The following DLGAP2 variants were observed in gnomAD, a reference collection of about 807,000 sequenced individuals.
DLGAP2 encodes the protein DLG associated protein 2.
DLGAP2 carries 26 observed loss-of-function variants against 100.3 expected under a neutral mutation model. The ratio of observed to expected loss-of-function variants is 0.26; its 90% CI spans 0.19 to 0.36. The LOEUF (loss-of-function observed/expected upper bound fraction) is 0.36. DLGAP2 is among the 10% of genes least tolerant of loss of function. The pLI is 1.00. For missense variants in DLGAP2, 1,858 were observed against 1,453.2 expected (o/e 1.28, Z -4.53); for synonymous variants, 886 against 630.1 (o/e 1.41, Z -6.08).
chr8:1,039,641 TGC>T (rs1802252625), intron 2 of DLGAP2, among the ~76,000 whole-genome samples: 1 of 88,068 alleles, frequency 1.1e-5, no homozygotes, highest in Non-Finnish European at 2.2e-5. Flanking sequence ...CAGCTCGGTG[TGC>T]GTGGTCAGCT....
At chr8:1,641,515 C>T (rs6995152) in intron 8 of DLGAP2, among the ~76,000 whole-genome samples, 6 of 152,052 alleles carry the variant, frequency 3.9e-5, no homozygotes, top group South Asian at 2.1e-4. Flanking sequence ...AATCATAATA[C>T]GAATGAAACT....
intron 2 of DLGAP2, among the ~76,000 whole-genome samples, chr8:1,065,066 G>A (rs751214537): frequency 6.6e-5 from 10 of 152,202 alleles, no homozygotes; most frequent in Non-Finnish European, 1.3e-4. Flanking sequence ...CAAACAGCGT[G>A]CCCAGGGGAT....
At chr8:741,386 G>A (rs1042319741) in intron 1 of DLGAP2, among the ~76,000 whole-genome samples, 1 of 152,090 alleles carries the variant, frequency 6.6e-6, no homozygotes, top group Admixed American at 6.5e-5. Context: ...CTTTTTTCAT[G>A]TCATTCTTCT....
chr8:1,025,026 C>A (rs1025562672), intron 2 of DLGAP2, among the ~76,000 whole-genome samples: 2 of 151,874 alleles, frequency 1.3e-5, no homozygotes, highest in African/African-American at 4.9e-5. Context: ...TGTCTCTGCT[C>A]CCCCCTCTCC....
intron 3 of DLGAP2, among the ~76,000 whole-genome samples, chr8:1,464,331 C>T (rs868379984): frequency 0.033 from 2,664 of 79,952 alleles, 420 homozygotes; most frequent in East Asian, 0.09. Context: ...CCTTCCAGGA[C>T]GGCACCCTTC....
intron 2 of DLGAP2, among the ~76,000 whole-genome samples, chr8:1,052,649 A>G (rs1332519396): frequency 1.3e-5 from 2 of 152,076 alleles, no homozygotes; most frequent in Admixed American, 1.3e-4. Flanking sequence ...AACCCCATAG[A>G]TGTTGCATTG....
chr8:1,555,475 C>T (rs892077934), intron 5 of DLGAP2, among the ~76,000 whole-genome samples: 2 of 152,164 alleles, frequency 1.3e-5, no homozygotes, highest in Non-Finnish European at 2.9e-5. Flanking sequence ...GCCACCGCTT[C>T]CCCCCGGCCC....
At chr8:815,794 G>A (rs1397281435) in intron 1 of DLGAP2, among the ~76,000 whole-genome samples, 2 of 152,116 alleles carry the variant, frequency 1.3e-5, no homozygotes, top group East Asian at 3.9e-4. Flanking sequence ...AGGACAAGAG[G>A]ATACAAAAGA....
intron 3 of DLGAP2, among the ~76,000 whole-genome samples, chr8:1,310,633 A>G (rs1354094152): frequency 6.6e-6 from 1 of 152,126 alleles, no homozygotes; most frequent in Non-Finnish European, 1.5e-5. Context: ...GACTAAAATC[A>G]TAAAAAGTTG....
chr8:1,313,080 C>T (rs963418094), intron 3 of DLGAP2, among the ~76,000 whole-genome samples: 5 of 152,160 alleles, frequency 3.3e-5, no homozygotes, highest in East Asian at 1.9e-4. Context: ...TGGTGTGTGC[C>T]GGAGCCCCTG....
intron 2 of DLGAP2, among the ~76,000 whole-genome samples, chr8:1,244,175 G>C (rs1031923578): frequency 6.6e-6 from 1 of 152,238 alleles, no homozygotes; most frequent in African/African-American, 2.4e-5. Context: ...CGATGCCTCT[G>C]AGTGCGATAC....
chr8:1,164,114 C>CTGT (rs1796947964), intron 2 of DLGAP2, among the ~76,000 whole-genome samples: 1 of 134,042 alleles, frequency 7.5e-6, no homozygotes, highest in Non-Finnish European at 1.6e-5. Context: ...TTCTGTGAGC[C>CTGT]CGCAGGGCCC....
chr8:1,526,029 A>C (rs2130436823), intron 4 of DLGAP2, among the ~76,000 whole-genome samples: 1 of 151,392 alleles, frequency 6.6e-6, no homozygotes, highest in East Asian at 2.0e-4. Context: ...CTAATCCAAA[A>C]CTCTGAACTC....
chr8:1,241,252 C>G (rs577511674), intron 2 of DLGAP2, among the ~76,000 whole-genome samples: 1 of 149,938 alleles, frequency 6.7e-6, no homozygotes, highest in African/African-American at 2.5e-5. Flanking sequence ...TCACATGGAA[C>G]CATGTCTAGT....
At chr8:1,305,324 T>C (rs1281139675) in intron 3 of DLGAP2, among the ~76,000 whole-genome samples, 2 of 152,202 alleles carry the variant, frequency 1.3e-5, no homozygotes, top group Admixed American at 6.5e-5. Context: ...TTCTGGGATA[T>C]TGTGGGGCTA....
chr8:976,737 T>A (rs1436449142), intron 2 of DLGAP2, among the ~76,000 whole-genome samples: 1 of 152,154 alleles, frequency 6.6e-6, no homozygotes, highest in African/African-American at 2.4e-5. Flanking sequence ...GACATCTACA[T>A]GCAAGAAAAA....
chr8:1,658,001 G>A (rs1798322479), intron 8 of DLGAP2, among the ~76,000 whole-genome samples: 1 of 152,128 alleles, frequency 6.6e-6, no homozygotes, highest in South Asian at 2.1e-4. Flanking sequence ...AAAGTCTCCC[G>A]TTTGCAGCAG....
intron 5 of DLGAP2, among the ~76,000 whole-genome samples, chr8:1,561,094 T>C (rs536158929): frequency 1.3e-5 from 2 of 152,260 alleles, no homozygotes; most frequent in African/African-American, 4.8e-5. Context: ...GACTAAGTCT[T>C]ATGAGATCTG....
At chr8:1,056,020 C>T (rs975159222) in intron 2 of DLGAP2, among the ~76,000 whole-genome samples, 3 of 152,176 alleles carry the variant, frequency 2.0e-5, no homozygotes, top group Non-Finnish European at 1.5e-5. Flanking sequence ...GGAGGCAGCT[C>T]AGGGAGTTGA....
Sources: gnomAD v4.1 joint callset for allele counts (sites outside exome capture counted in the v4.1 genomes callset) on GRCh38, gnomAD v4.1.1 for gene constraint, MANE v1.5 for transcripts, NCBI Gene and HGNC (gene_info 2026-07-23, HGNC 2026-07-21) for gene names.